Variants in TSGA10 observed in about 807,000 individuals in gnomAD.
The protein encoded by TSGA10 is testis-specific gene 10 protein.
TSGA10 carries 43 observed loss-of-function variants against 96.6 expected under a neutral mutation model. That is an observed-to-expected ratio of 0.44 (90% CI 0.35 to 0.57). The LOEUF is 0.57. TSGA10 is among the 20% of genes least tolerant of loss of function. The pLI is 0.01. For missense variants in TSGA10, 703 were observed against 834.4 expected, an observed-to-expected ratio of 0.84 and a Z score of 1.94; for synonymous variants, 229 against 269.9, an observed-to-expected ratio of 0.85 and a Z score of 1.48.
chr2:99,154,899 C>T lies in TSGA10; in HGVS notation c.-827G>A, dbSNP rs1463443747. 2.4e-6 allele frequency: 1 copy of T among 415,004 alleles called. No individual in the cohort carries two copies. The highest frequency in any genetic ancestry group is 2.0e-5 in the African/African-American group (1 of 48,898). 25.7% of individuals were successfully genotyped at this position (415,004 alleles called of 1,614,324 possible). On this transcript the variant is annotated 5_prime_UTR_variant, in exon 1 of 21. Coordinates refer to ENST00000393483, the MANE Select transcript of TSGA10 (RefSeq NM_025244.4). ...GCAGGCGGAGAGACTAGGCGCGATCCCTGCGCGCCCCTCCTTCTCTTGCGC... is the reference window on the plus strand; with the variant it reads ...GCAGGCGGAGAGACTAGGCGCGATCTCTGCGCGCCCCTCCTTCTCTTGCGC...
chr2:99,029,840 T>C (rs1305672044), intron 17 of TSGA10, among the ~76,000 whole-genome samples: 1 of 152,220 alleles, frequency 6.6e-6, no homozygotes, highest in Non-Finnish European at 1.5e-5. Flanking sequence ...AGGTAAGATG[T>C]CCACTTTCAC....
At chr2:99,105,811 G>A (rs936694624) in intron 7 of TSGA10, 114 bp from the exon 8 acceptor site, 23 of 642,470 alleles carry the variant, frequency 3.6e-5, no homozygotes, top group Non-Finnish European at 5.0e-5. Flanking sequence ...CATGCAGCAG[G>A]GTAATGGTAT....
intron 1 of TSGA10, among the ~76,000 whole-genome samples, chr2:99,128,413 C>T (rs2092930130): frequency 1.3e-5 from 2 of 152,008 alleles, no homozygotes; most frequent in African/African-American, 4.8e-5. Context: ...AAATGTATTG[C>T]TAGTTATAAA....
chr2:99,003,137 G>A (rs758426684), intron 20 of TSGA10, among the ~76,000 whole-genome samples: 5 of 152,144 alleles, frequency 3.3e-5, no homozygotes, highest in South Asian at 4.1e-4. Flanking sequence ...GATTATAGGC[G>A]TAAGCTACCG....
At chr2:99,017,721 C>T (rs187115896) in intron 20 of TSGA10, among the ~76,000 whole-genome samples, 3,923 of 149,682 alleles carry the variant, frequency 0.026, 238 homozygotes, top group Admixed American at 0.13. Flanking sequence ...GCCGAGATCC[C>T]GCCACTGCAC....
intron 1 of TSGA10, among the ~76,000 whole-genome samples, chr2:99,152,574 G>A (rs116526953): frequency 2.0e-3 from 304 of 152,236 alleles, no homozygotes; most frequent in African/African-American, 6.6e-3. Flanking sequence ...ATGGGAAAGC[G>A]TATCTCAGGA....
intron 2 of TSGA10, among the ~76,000 whole-genome samples, chr2:99,124,457 T>A (rs1383501347): frequency 2.6e-5 from 4 of 152,176 alleles, no homozygotes; most frequent in African/African-American, 9.7e-5. Context: ...TTACAAAAAA[T>A]TGATTAGGAA....
At chr2:99,092,710 T>G (rs1392387479) in intron 10 of TSGA10, among the ~76,000 whole-genome samples, 1 of 152,092 alleles carries the variant, frequency 6.6e-6, no homozygotes, top group Non-Finnish European at 1.5e-5. Context: ...ACAACCCTCC[T>G]AGCTTAAACC....
Position 99,109,624 on chromosome 2 carries a change from T to C in TSGA10, c.-73-112A>G, listed in dbSNP as rs931995770. On this transcript the variant is annotated intron_variant, in intron 5 of 20. Transcript: ENST00000393483. ...CTATAGCATCATTTTCTAAGTGAAA[T>C]TGAAAACAAACAGGATCCTTAAAAA... The C allele has an allele frequency of 1.0e-4, 91 of 881,102 alleles. 1 individual carries two copies. The highest frequency in any genetic ancestry group is 7.4e-4 in the Middle Eastern group (2 of 2,704). The allele number at this position is 881,102 out of a possible 1,614,324, so 54.6% of individuals were successfully genotyped here. A position where few individuals can be genotyped will look rare whatever the true frequency, so the allele number is the denominator to read the frequency against.
At chr2:99,098,747 T>G (rs1000299197) in intron 10 of TSGA10, among the ~76,000 whole-genome samples, 11 of 152,176 alleles carry the variant, frequency 7.2e-5, no homozygotes, top group Non-Finnish European at 1.3e-4. Context: ...ATAAATAACA[T>G]TATACTAAAC....
At chr2:99,126,295 A>G (rs2092819767) in intron 2 of TSGA10, 1 of 152,258 alleles carries the variant, frequency 6.6e-6, no homozygotes, top group African/African-American at 2.4e-5. Flanking sequence ...GTCTGCCTTG[A>G]TAGGCTGCTC....
At chr2:99,026,602 T>G (rs2080593307) in intron 17 of TSGA10, among the ~76,000 whole-genome samples, 1 of 151,842 alleles carries the variant, frequency 6.6e-6, no homozygotes, top group Admixed American at 6.6e-5. Context: ...TTGTATTTTT[T>G]TTAGTAGAGA....
chr2:99,001,442 A>T (rs1239217386), intron 20 of TSGA10, among the ~76,000 whole-genome samples: 2 of 152,218 alleles, frequency 1.3e-5, no homozygotes, highest in African/African-American at 4.8e-5. Context: ...ATCAACATCA[A>T]CAAAAAGGAC....
intron 1 of TSGA10, chr2:99,141,138 A>C (rs1439156118): frequency 1.6e-6 from 2 of 1,273,980 alleles, no homozygotes; most frequent in Non-Finnish European, 2.0e-6. Flanking sequence ...CCCAGAGCTC[A>C]TCCCCGCGAC....
chr2:99,002,258 G>C (rs973394483), intron 20 of TSGA10, among the ~76,000 whole-genome samples: 3 of 152,176 alleles, frequency 2.0e-5, no homozygotes, highest in African/African-American at 7.2e-5. Flanking sequence ...ACCCACAAGG[G>C]GAAGCCCATC....
chr2:99,002,352 T>C (rs1009577259), intron 20 of TSGA10, among the ~76,000 whole-genome samples: 4 of 152,180 alleles, frequency 2.6e-5, no homozygotes, highest in African/African-American at 7.2e-5. Context: ...AAGAAAAGAA[T>C]TTTCAACCCA....
chr2:99,106,160 G>A (rs533399174), intron 7 of TSGA10, among the ~76,000 whole-genome samples: 1 of 152,126 alleles, frequency 6.6e-6, no homozygotes, highest in African/African-American at 2.4e-5. Flanking sequence ...TAACCCAACA[G>A]AGTCTCTGCA....
At chr2:99,056,086 T>G (rs1405728385) in intron 16 of TSGA10, among the ~76,000 whole-genome samples, 1 of 151,344 alleles carries the variant, frequency 6.6e-6, no homozygotes, top group Non-Finnish European at 1.5e-5. Context: ...GCACCTGTAG[T>G]CCCAGGTACT....
intron 15 of TSGA10, among the ~76,000 whole-genome samples, chr2:99,065,451 T>C (rs1558898265): frequency 1.3e-5 from 2 of 152,194 alleles, no homozygotes; most frequent in African/African-American, 2.4e-5. Context: ...GCTTTTCCCA[T>C]ATGTCTGCTT....
Sources: allele counts gnomAD v4.1 joint callset (sites outside exome capture counted in the v4.1 genomes callset), GRCh38; gene constraint gnomAD v4.1.1; transcripts MANE v1.5; gene names NCBI Gene and HGNC (gene_info 2026-07-23, HGNC 2026-07-21).